The following TSPAN5 variants were observed in gnomAD, a reference collection of about 807,000 sequenced individuals.
The protein encoded by TSPAN5 is tetraspanin 5.
In TSPAN5, 10 loss-of-function variants were observed where a neutral mutation model predicts 37.1. The observed-to-expected ratio is 0.27, with a 90% CI of 0.17 to 0.46. The LOEUF (loss-of-function observed/expected upper bound fraction) is 0.46, where lower values mean the gene tolerates loss of function less well. TSPAN5 is among the 20% of genes least tolerant of loss of function. The pLI, the probability that TSPAN5 is intolerant of heterozygous loss-of-function variation, is 1.00. For missense variants in TSPAN5, 195 were observed against 326.6 expected, an observed-to-expected ratio of 0.60 and a Z score of 3.11; for synonymous variants, 110 against 118.9, an observed-to-expected ratio of 0.93 and a Z score of 0.48.
chr4:98,478,556 C>T lies in TSPAN5; in HGVS notation c.576+129G>A. On this transcript the variant is annotated intron_variant, in intron 5 of 7. Coordinates refer to ENST00000305798, the MANE Select transcript of TSPAN5 (RefSeq NM_005723.4). ...TAGGAAGATTTGAGCACCATAACCC[C>T]CTACAGGAGCTACAAATACGAGTAA... 8 of 1,112,028 alleles carry T rather than the reference C, an allele frequency of 7.2e-6. No homozygotes were observed. In the South Asian group the frequency reaches 1.1e-4, roughly 15 times the overall value. The allele number at this position is 1,112,028 out of a possible 1,614,324, so 68.9% of individuals were successfully genotyped here. A position where few individuals can be genotyped will look rare whatever the true frequency, so the allele number is the denominator to read the frequency against.
At chr4:98,592,071 A>C (rs1274648953) in intron 1 of TSPAN5, among the ~76,000 whole-genome samples, 3 of 151,990 alleles carry the variant, frequency 2.0e-5, no homozygotes, top group Admixed American at 2.0e-4. Context: ...GATTTTTAAC[A>C]AGATATGATA....
At chr4:98,529,619 T>A (rs1254541919) in intron 1 of TSPAN5, among the ~76,000 whole-genome samples, 1 of 152,196 alleles carries the variant, frequency 6.6e-6, no homozygotes, top group Non-Finnish European at 1.5e-5. Flanking sequence ...ACCTACCTAG[T>A]GACTGGGAAA....
chr4:98,490,287 C>T (rs1010151814), intron 2 of TSPAN5, among the ~76,000 whole-genome samples: 3 of 152,126 alleles, frequency 2.0e-5, no homozygotes, highest in Admixed American at 2.0e-4. Context: ...CCCGAAATAG[C>T]AAAATAATCC....
At chr4:98,566,460 T>C (rs942530044) in intron 1 of TSPAN5, among the ~76,000 whole-genome samples, 2 of 152,154 alleles carry the variant, frequency 1.3e-5, no homozygotes, top group African/African-American at 2.4e-5. Context: ...TGGGGATGTA[T>C]GCTGACAACC....
chr4:98,494,434 G>A (rs903538128), intron 2 of TSPAN5, among the ~76,000 whole-genome samples: 3 of 125,856 alleles, frequency 2.4e-5, no homozygotes, highest in African/African-American at 9.0e-5. Context: ...TTAGGCAGAT[G>A]AAGTAACCTG....
At chr4:98,545,474 A>G (rs1007448220) in intron 1 of TSPAN5, among the ~76,000 whole-genome samples, 5 of 152,126 alleles carry the variant, frequency 3.3e-5, no homozygotes, top group African/African-American at 1.2e-4. Context: ...ATATTTTTTC[A>G]TTTAACCACA....
At chr4:98,614,394 T>G (rs1756270289) in intron 1 of TSPAN5, among the ~76,000 whole-genome samples, 1 of 152,092 alleles carries the variant, frequency 6.6e-6, no homozygotes, top group Admixed American at 6.5e-5. Flanking sequence ...GCTGCATTTC[T>G]GACAGAAATG....
At chr4:98,657,308 A>C (rs569994191) in intron 1 of TSPAN5, among the ~76,000 whole-genome samples, 5 of 152,248 alleles carry the variant, frequency 3.3e-5, no homozygotes, top group Admixed American at 2.0e-4. Flanking sequence ...TCTTGTGTTA[A>C]AGCATTTGCT....
intron 1 of TSPAN5, among the ~76,000 whole-genome samples, chr4:98,549,395 C>T (rs1302420604): frequency 4.0e-5 from 6 of 151,456 alleles, no homozygotes; most frequent in Admixed American, 2.6e-4. Context: ...CTCTGCCTCT[C>T]GGGTTTAAGC....
intron 1 of TSPAN5, among the ~76,000 whole-genome samples, chr4:98,653,565 T>C (rs1757235648): frequency 6.6e-6 from 1 of 152,144 alleles, no homozygotes. Context: ...TCTTGGCAGA[T>C]CTTAAGGGTA....
chr4:98,518,263 T>C (rs1383852399), intron 1 of TSPAN5, among the ~76,000 whole-genome samples: 1 of 152,198 alleles, frequency 6.6e-6, no homozygotes. Context: ...ATAGAATTAT[T>C]CTTTAAGGTA....
chr4:98,580,819 C>T (rs1224070615), intron 1 of TSPAN5, among the ~76,000 whole-genome samples: 1 of 152,098 alleles, frequency 6.6e-6, no homozygotes, highest in Admixed American at 6.5e-5. Context: ...AGGAAGAAGA[C>T]AGTTTCCTCT....
intron 1 of TSPAN5, among the ~76,000 whole-genome samples, chr4:98,610,215 G>C (rs563767017): frequency 6.6e-6 from 1 of 152,178 alleles, no homozygotes; most frequent in South Asian, 2.1e-4. Flanking sequence ...ATCCCATAGT[G>C]GAATGCAAAA....
intron 1 of TSPAN5, among the ~76,000 whole-genome samples, chr4:98,546,328 A>G (rs1013439548): frequency 6.6e-5 from 10 of 152,178 alleles, no homozygotes; most frequent in African/African-American, 2.4e-4. Context: ...TTCAGCCACT[A>G]CACGGTGCCC....
chr4:98,541,691 AAAAAGAG>A lies in TSPAN5; in HGVS notation c.82-33970_82-33964del, dbSNP rs1266448900. 3.0e-4 allele frequency among the ~76,000 whole-genome samples: 37 copies of A among 124,984 alleles called. No homozygotes were observed. The South Asian group carries it at 8.7e-3, about 29-fold the overall frequency. 82.0% of individuals were successfully genotyped at this position (124,984 alleles called of 152,430 possible). A position where few individuals can be genotyped will look rare whatever the true frequency, so the allele number is the denominator to read the frequency against. On this transcript the variant is annotated intron_variant, in intron 1 of 7. Transcript: ENST00000305798. ...CTCTGTCTCAAAAAAAAAAAAAAAA[AAAAAGAG>A]AGAGAGAGAGAGAGAAGGAAAATGG...
At chr4:98,647,106 C>A (rs1757085876) in intron 1 of TSPAN5, among the ~76,000 whole-genome samples, 1 of 152,172 alleles carries the variant, frequency 6.6e-6, no homozygotes, top group Non-Finnish European at 1.5e-5. Flanking sequence ...TCTGCCCTCC[C>A]ACCACAAGGG....
intron 1 of TSPAN5, among the ~76,000 whole-genome samples, chr4:98,609,026 C>T (rs762342126): frequency 1.4e-4 from 21 of 152,018 alleles, no homozygotes; most frequent in Admixed American, 4.6e-4. Flanking sequence ...CTCTCTTGCA[C>T]GAGACTTACA....
At chr4:98,598,090 T>C (rs1275333941) in intron 1 of TSPAN5, among the ~76,000 whole-genome samples, 2 of 82,608 alleles carry the variant, frequency 2.4e-5, no homozygotes, top group Admixed American at 1.2e-4. Context: ...ATCAGCGAGA[T>C]TTCGTGGGCG....
At chr4:98,482,339 C>T (rs1752858750) in intron 3 of TSPAN5, 164 bp from the exon 4 acceptor site, 2 of 581,862 alleles carry the variant, frequency 3.4e-6, no homozygotes, top group African/African-American at 1.9e-5. Context: ...GAATATTACA[C>T]TCCAAGAAAG....
Sources: gnomAD v4.1 joint callset for allele counts (sites outside exome capture counted in the v4.1 genomes callset) on GRCh38, gnomAD v4.1.1 for gene constraint, MANE v1.5 for transcripts, NCBI Gene and HGNC (gene_info 2026-07-23, HGNC 2026-07-21) for gene names.